The following PCDH15 variants were observed in gnomAD, a reference collection of about 807,000 sequenced individuals.
PCDH15 encodes the protein protocadherin-15.
PCDH15 carries 129 observed loss-of-function variants against 178.5 expected under a neutral mutation model. The observed-to-expected ratio is 0.72, with a 90% CI of 0.63 to 0.84. The LOEUF is 0.84. PCDH15 is among the 40% of genes least tolerant of loss of function. PCDH15 has a pLI of 0.00. For missense variants in PCDH15, 2,230 were observed against 2,099.9 expected, an observed-to-expected ratio of 1.06 and a Z score of -1.21; for synonymous variants, 800 against 732.0, an observed-to-expected ratio of 1.09 and a Z score of -1.50.
intron 25 of PCDH15, among the ~76,000 whole-genome samples, chr10:53,909,894 T>A (rs1002667422): frequency 2.6e-5 from 4 of 152,204 alleles, no homozygotes; most frequent in African/African-American, 9.6e-5. Flanking sequence ...CACGAAGCCT[T>A]GCTCACTGCT....
At chr10:54,147,924 G>T (rs1048870696) in intron 14 of PCDH15, among the ~76,000 whole-genome samples, 2 of 151,948 alleles carry the variant, frequency 1.3e-5, no homozygotes, top group African/African-American at 4.8e-5. Context: ...GGGAGTGGAA[G>T]TGGGAAAGGG....
At chr10:54,722,239 A>G (rs1305084972) in intron 1 of PCDH15, among the ~76,000 whole-genome samples, 1 of 151,860 alleles carries the variant, frequency 6.6e-6, no homozygotes, top group Non-Finnish European at 1.5e-5. Context: ...GCCATGTATG[A>G]CAAGTCAACA....
chr10:54,007,114 G>C lies in PCDH15; in HGVS notation c.2752-11349C>G, dbSNP rs149797962. On this transcript the variant is annotated intron_variant, in intron 20 of 37. Transcript: ENST00000644397. ...ATTCAGCTTTTCAGATTCATATTCA[G>C]TTTTCAGTTTGCTGTAGAACAGCCC... Among the ~76,000 whole-genome samples the C allele has an allele frequency of 8.6e-3, 1,303 of 152,196 alleles. 56 individuals carry two copies. The highest frequency in any genetic ancestry group is 0.068 in the Admixed American group (1,037 of 15,280).
intron 3 of PCDH15, among the ~76,000 whole-genome samples, chr10:54,853,878 G>T (rs1413790875): frequency 1.3e-5 from 2 of 152,228 alleles, no homozygotes; most frequent in African/African-American, 4.8e-5. Flanking sequence ...GATCTTTGGG[G>T]TGTTGTTTTT....
intron 2 of PCDH15, among the ~76,000 whole-genome samples, chr10:55,158,119 TAA>T (rs1838948407): frequency 6.7e-6 from 1 of 149,976 alleles, no homozygotes; most frequent in African/African-American, 2.4e-5. Flanking sequence ...TTATAATTAT[TAA>T]GTTGCCACTC....
chr10:55,511,260 C>A (rs868207143), intron 2 of PCDH15, among the ~76,000 whole-genome samples: 1 of 131,636 alleles, frequency 7.6e-6, no homozygotes, highest in African/African-American at 2.7e-5. Flanking sequence ...AAAGTCTGAT[C>A]TATCCTTTTT....
At chr10:54,732,695 G>C (rs1943574805) in intron 1 of PCDH15, among the ~76,000 whole-genome samples, 1 of 151,536 alleles carries the variant, frequency 6.6e-6, no homozygotes, top group Admixed American at 6.6e-5. Context: ...TTACAAGGGA[G>C]CATTGTCCTG....
intron 3 of PCDH15, among the ~76,000 whole-genome samples, chr10:54,877,871 G>T (rs4638214): frequency 0.052 from 7,440 of 144,054 alleles, 613 homozygotes; most frequent in African/African-American, 0.18. Context: ...GCATTTATTT[G>T]TTCTGTGAGA....
intron 2 of PCDH15, among the ~76,000 whole-genome samples, chr10:55,057,441 T>C (rs535037821): frequency 1.3e-5 from 2 of 152,298 alleles, no homozygotes; most frequent in South Asian, 4.1e-4. Flanking sequence ...TTAATAAGGT[T>C]GAATAATTTT....
intron 15 of PCDH15, among the ~76,000 whole-genome samples, chr10:54,121,058 A>G (rs915148788): frequency 9.9e-5 from 9 of 90,858 alleles, no homozygotes; most frequent in Non-Finnish European, 1.7e-4. Context: ...AAGTCTCAGC[A>G]AATGAAAAAA....
chr10:55,486,288 ATACAGT>A (rs1186024887), intron 2 of PCDH15, among the ~76,000 whole-genome samples: 1 of 151,722 alleles, frequency 6.6e-6, no homozygotes, highest in Non-Finnish European at 1.5e-5. Context: ...TAAAAAGCAA[ATACAGT>A]TACTCAATAG....
rs546090781 is a variant in PCDH15 at position 54,910,818 on chromosome 10, A to C, written c.-79-13318T>G. Among the ~76,000 whole-genome samples the C allele has an allele frequency of 7.2e-5, 11 of 152,336 alleles. No individual in the cohort carries two copies. The South Asian group carries it at 2.3e-3, about 32-fold the overall frequency. The stretch of plus-strand genomic sequence containing the variant: ...TAAATGAACAAACAAGTAACAAACC[A>C]GTATCAGCAGAGATTGGATCCAATA... On this transcript the variant is annotated intron_variant, in intron 2 of 5. Transcript: ENST00000458638.
At chr10:54,757,176 G>T (rs1291652067) in intron 1 of PCDH15, among the ~76,000 whole-genome samples, 2 of 151,422 alleles carry the variant, frequency 1.3e-5, no homozygotes, top group African/African-American at 2.4e-5. Context: ...GGGACAATTT[G>T]TAACTGTCCT....
chr10:53,883,753 T>C (rs2080899240), intron 26 of PCDH15, among the ~76,000 whole-genome samples: 1 of 152,198 alleles, frequency 6.6e-6, no homozygotes. Flanking sequence ...TCTCACTCTC[T>C]TGCCCAGGCT....
intron 15 of PCDH15, among the ~76,000 whole-genome samples, chr10:54,116,585 T>G (rs1440295644): frequency 1.3e-5 from 2 of 152,194 alleles, no homozygotes; most frequent in African/African-American, 4.8e-5. Context: ...TAGACATACA[T>G]GGAATCAGTA....
chr10:55,368,370 T>A (rs923455425), intron 2 of PCDH15, among the ~76,000 whole-genome samples: 4 of 152,082 alleles, frequency 2.6e-5, no homozygotes, highest in African/African-American at 9.7e-5. Context: ...CTCAACTGGG[T>A]TTATTTTGTA....
intron 13 of PCDH15, among the ~76,000 whole-genome samples, chr10:54,155,926 C>T (rs1230165896): frequency 6.6e-6 from 1 of 151,772 alleles, no homozygotes; most frequent in Non-Finnish European, 1.5e-5. Context: ...GAATTTAATT[C>T]AATTATAGTT....
At chr10:54,823,641 T>G (rs970225085) in intron 3 of PCDH15, among the ~76,000 whole-genome samples, 2 of 152,136 alleles carry the variant, frequency 1.3e-5, no homozygotes, top group Admixed American at 1.3e-4. Context: ...ATGGCTATAC[T>G]GTATTGCTGT....
chr10:55,532,574 C>A lies in PCDH15; in HGVS notation c.-156+95051G>T, dbSNP rs563403558. On this transcript the variant is annotated intron_variant, in intron 2 of 5. Transcript: ENST00000613346. ...TATTATTCTAGTATTTTAAGACTTC[C>A]TAAAGCCAAACGTAATTAAGAAAAA... is the stretch of plus-strand genomic sequence containing the variant. Among the ~76,000 whole-genome samples, 24 of 152,118 alleles carry A rather than the reference C, an allele frequency of 1.6e-4. 1 individual carries two copies. Among genetic ancestry groups the A allele is most frequent in the Admixed American group, 1.2e-3 (18 of 15,216 alleles).
Sources: gnomAD v4.1 joint callset for allele counts (sites outside exome capture counted in the v4.1 genomes callset) on GRCh38, gnomAD v4.1.1 for gene constraint, MANE v1.5 for transcripts, NCBI Gene and HGNC (gene_info 2026-07-23, HGNC 2026-07-21) for gene names.